The following COBL variants were observed in gnomAD, a reference collection of about 807,000 sequenced individuals.
COBL encodes cordon-bleu WH2 repeat protein.
In COBL, 51 loss-of-function variants were observed where a neutral mutation model predicts 98.8. That is an observed-to-expected ratio of 0.52 (90% CI 0.41 to 0.65). The LOEUF (loss-of-function observed/expected upper bound fraction) is 0.65. Among genes scored for constraint, COBL ranks in the 30% least tolerant of loss-of-function variants. COBL has a pLI of 0.00. For missense variants in COBL, 1,617 were observed against 1,617.5 expected (o/e 1.00, Z 0.01); for synonymous variants, 634 against 651.7 (o/e 0.97, Z 0.41).
At chr7:51,027,616 GTCTC>G in intron 10 of COBL, 92 bp downstream of exon 10, 1 of 1,051,932 alleles carries the variant, frequency 9.5e-7, no homozygotes. Flanking sequence ...TCCTAATCCC[GTCTC>G]TCTCTCTCCT....
chr7:51,250,535 G>A (rs563432521), intron 1 of COBL, among the ~76,000 whole-genome samples: 1 of 152,116 alleles, frequency 6.6e-6, no homozygotes, highest in East Asian at 1.9e-4. Flanking sequence ...GACAGAGTGG[G>A]AGGAATTATA....
intron 4 of COBL, among the ~76,000 whole-genome samples, chr7:51,189,907 A>G (rs935404376): frequency 2.6e-5 from 4 of 152,202 alleles, no homozygotes; most frequent in Non-Finnish European, 5.9e-5. Context: ...AATCAGAAAC[A>G]TGTGCTTACA....
At position 51,029,111 on chromosome 7, in the gene COBL, G is replaced by T; in HGVS notation, c.1985C>A (p.Ala662Asp). The T allele has an allele frequency of 6.2e-7, 1 of 1,614,094 alleles. No homozygotes were observed. The change falls in exon 10 of 13, where the codon GCC becomes GAC. Residue 662 changes from alanine to aspartate, a missense_variant. This residue lies in a region of COBL where 1,304 missense variants were observed against 1,282.0 expected (regional missense o/e 1.02). Transcript: ENST00000265136. Reference protein sequence around the residue: ...YGCADGERTQATERVNSQPVN... With the variant: ...YGCADGERTQDTERVNSQPVN... The stretch of plus-strand genomic sequence containing the variant: ...CGGTTGGGAATTCACTCTCTCTGTG[G>T]CTTGAGTCCTCTCCCCGTCAGCACA...
rs998211242 is a variant in COBL at position 51,059,741 on chromosome 7, G to A, written c.1097-16049C>T. Among the ~76,000 whole-genome samples the A allele has an allele frequency of 4.6e-5, 7 of 152,124 alleles. No homozygotes were observed. In the South Asian group the frequency reaches 6.2e-4, roughly 14 times the overall value. ...GAGGGCACTGTCTCCCAGCTACCCCGCCACTGTTCCCTCATCCTGCTGTTT... is the reference window on the plus strand; with the variant it reads ...GAGGGCACTGTCTCCCAGCTACCCCACCACTGTTCCCTCATCCTGCTGTTT... On this transcript the variant is annotated intron_variant, in intron 7 of 12. Coordinates refer to ENST00000265136, the MANE Select transcript of COBL (RefSeq NM_015198.5).
At chr7:51,225,915 A>G (rs1229692141) in intron 1 of COBL, among the ~76,000 whole-genome samples, 1 of 152,216 alleles carries the variant, frequency 6.6e-6, no homozygotes, top group Non-Finnish European at 1.5e-5. Flanking sequence ...TATAGGTGAC[A>G]GCCACTGCCC....
chr7:51,224,957 C>T (rs1346381194), intron 1 of COBL, among the ~76,000 whole-genome samples: 11 of 151,782 alleles, frequency 7.2e-5, no homozygotes, highest in Non-Finnish European at 1.0e-4. Context: ...GCGGGGGCGG[C>T]CCGTGCATGT....
At chr7:51,189,928 G>GTC (rs1789933398) in intron 4 of COBL, among the ~76,000 whole-genome samples, 1 of 152,146 alleles carries the variant, frequency 6.6e-6, no homozygotes, top group South Asian at 2.1e-4. Context: ...CAACATAACA[G>GTC]TCTCTGCACC....
chr7:51,113,978 C>A (rs116640295), intron 6 of COBL, among the ~76,000 whole-genome samples: 1 of 152,262 alleles, frequency 6.6e-6, no homozygotes, highest in African/African-American at 2.4e-5. Flanking sequence ...GGGAAATGTG[C>A]GTGTTTTCTA....
rs958394221 is a variant in COBL at position 51,029,329 on chromosome 7, G to A, written c.1767C>T (p.Pro589=). 2 of 1,601,738 alleles carry A rather than the reference G, an allele frequency of 1.2e-6. No homozygotes were observed. Among genetic ancestry groups the A allele is most frequent in the South Asian group, 1.1e-5 (1 of 88,886 alleles). Reference sequence around the variant, plus strand: ...GTACTTCCTCCCTTGCCTTTTCATGGGGCTGGCTGTGCTCAGCTTGAAGTG... The same window carrying A: ...GTACTTCCTCCCTTGCCTTTTCATGAGGCTGGCTGTGCTCAGCTTGAAGTG... The part of the protein sequence containing the change: ...LAPLQAEHSQ[P]HEKAREEVPA... The change falls in exon 10 of 13, where the codon CCC becomes CCT. Residue 589 remains proline, a synonymous_variant. Coordinates refer to ENST00000265136, the MANE Select transcript of COBL (RefSeq NM_015198.5).
Position 51,028,650 on chromosome 7 carries a change from G to C in COBL, c.2446C>G (p.Pro816Ala), listed in dbSNP as rs1353132517. The change falls in exon 10 of 13, where the codon CCC (proline) becomes GCC (alanine). Residue 816 changes from proline to alanine, a missense_variant. Pro to Ala is a conservative substitution (Grantham distance 27). Coordinates refer to ENST00000265136, the MANE Select transcript of COBL (RefSeq NM_015198.5). Reference protein sequence around the residue: ...RLQADPKPISPQQKSAHHEGR... With the variant: ...RLQADPKPISAQQKSAHHEGR... ...TCATGGTGGGCAGACTTCTGCTGGG[G>C]CGATATTGGCTTGGGGTCTGCTTGG... 2 of 1,613,054 alleles carry C rather than the reference G, an allele frequency of 1.2e-6. No individual in the cohort carries two copies. Among genetic ancestry groups the C allele is most frequent in the Admixed American group, 3.3e-5 (2 of 59,948 alleles).
chr7:51,029,157 C>G lies in COBL; in HGVS notation c.1939G>C (p.Val647Leu), dbSNP rs775236977. 56 of 1,614,192 alleles carry G rather than the reference C, an allele frequency of 3.5e-5. No individual in the cohort carries two copies. The South Asian group carries it at 5.5e-4, about 16-fold the overall frequency. Residue 647 changes from valine (V) to leucine (L), a missense_variant, in exon 10 of 13, where the codon GTG becomes CTG. Around this residue, in one of 3 missense-constraint regions of COBL, gnomAD observed 1,304 missense variants for 1,282.0 expected, o/e 1.02. Transcript: ENST00000265136. ...GCACAGCCATACACTTTGTCTTTCA[C>G]TTTTGCATTTAGGTTGTCTGTGTGA... Reference protein sequence around the residue: ...NLHTDNLNAKVKDKVYGCADG... With the variant: ...NLHTDNLNAKLKDKVYGCADG...
intron 7 of COBL, among the ~76,000 whole-genome samples, chr7:51,058,182 T>C (rs906691343): frequency 6.6e-6 from 1 of 152,146 alleles, no homozygotes; most frequent in Non-Finnish European, 1.5e-5. Flanking sequence ...ATCAGATACA[T>C]TGCCCTTCTA....
intron 1 of COBL, among the ~76,000 whole-genome samples, chr7:51,281,952 A>C (rs1424230081): frequency 6.6e-6 from 1 of 152,142 alleles, no homozygotes; most frequent in Non-Finnish European, 1.5e-5. Flanking sequence ...AGTAAGTTAT[A>C]CTCCACATAA....
chr7:51,280,990 A>T (rs1799774741), intron 1 of COBL, among the ~76,000 whole-genome samples: 1 of 152,230 alleles, frequency 6.6e-6, no homozygotes, highest in African/African-American at 2.4e-5. Flanking sequence ...AAATAGTCAA[A>T]ATGTCTAGGA....
chr7:51,141,285 C>T (rs1426467176), intron 5 of COBL, among the ~76,000 whole-genome samples: 3 of 152,118 alleles, frequency 2.0e-5, no homozygotes, highest in African/African-American at 7.2e-5. Flanking sequence ...ATTTCTGTTT[C>T]AAGGTTAAGG....
chr7:51,255,196 G>C (rs1797089952), intron 1 of COBL, among the ~76,000 whole-genome samples: 1 of 152,202 alleles, frequency 6.6e-6, no homozygotes, highest in Non-Finnish European at 1.5e-5. Context: ...ATGCAATTAA[G>C]AGAAGAATAA....
At chr7:51,150,748 T>C (rs1562967999) in intron 5 of COBL, among the ~76,000 whole-genome samples, 1 of 152,184 alleles carries the variant, frequency 6.6e-6, no homozygotes, top group Non-Finnish European at 1.5e-5. Flanking sequence ...CTGCTCAAGA[T>C]TGGGCAGAGA....
Position 51,029,541 on chromosome 7 carries a change from G to A in COBL, c.1555C>T (p.His519Tyr), listed in dbSNP as rs368010769. 11 of 1,612,486 alleles carry A rather than the reference G, an allele frequency of 6.8e-6. No homozygotes were observed. The African/African-American group carries it at 1.5e-4, about 22-fold the overall frequency. Residue 519 changes from histidine to tyrosine, a missense_variant, in exon 10 of 13, where the codon CAT becomes TAT. Physicochemically the swap from His to Tyr is moderately conservative, Grantham distance 83. This residue lies in a region of COBL where 1,304 missense variants were observed against 1,282.0 expected (regional missense o/e 1.02). Coordinates refer to ENST00000265136, the MANE Select transcript of COBL (RefSeq NM_015198.5). The stretch of plus-strand genomic sequence containing the variant: ...TGTGGGCAGTGGTTGGATGCACCAT[G>A]GATGGAGCTGGTGAGGGAGCTGGTG... ...TDTSSLTSSI[H>Y]GASNHCPQDA...
chr7:51,029,466 T>A lies in COBL; in HGVS notation c.1630A>T (p.Ile544Leu). ...ACAGGATCATCTGAAACTTCCCCTA[T>A]GAATGTTACTGGGATTGCATCTGTG... ...GDTDAIPVTFIGEVSDDPVDS... is the reference protein window; with the variant it reads ...GDTDAIPVTFLGEVSDDPVDS... Residue 544 changes from isoleucine (I) to leucine (L), a missense_variant, in exon 10 of 13, where the codon ATA becomes TTA. Transcript: ENST00000265136. 1 of 1,614,162 alleles carries A rather than the reference T, an allele frequency of 6.2e-7. No individual in the cohort carries two copies. The highest frequency in any genetic ancestry group is 2.2e-5 in the East Asian group (1 of 44,878).
Sources: allele counts gnomAD v4.1 joint callset (sites outside exome capture counted in the v4.1 genomes callset), GRCh38; gene constraint gnomAD v4.1.1; regional missense constraint gnomAD v4.1.1; transcripts MANE v1.5; gene names NCBI Gene and HGNC (gene_info 2026-07-23, HGNC 2026-07-21).